Variants in CPED1 observed in about 807,000 individuals in gnomAD.
The protein encoded by CPED1 is cadherin-like and PC-esterase domain-containing protein 1.
Under a neutral mutation model 128.2 loss-of-function variants are expected in CPED1, and 114 were observed. The observed-to-expected ratio is 0.89, with a 90% confidence interval of 0.76 to 1.04. CPED1 has a LOEUF of 1.04. Ranked by LOEUF, CPED1 falls within the 50% of genes least tolerant of loss-of-function variation. The probability of loss-of-function intolerance (pLI) is 0.00; values close to 1 mark genes in which losing one functional copy is unlikely to be tolerated. For missense variants in CPED1, 1,211 were observed against 1,207.1 expected, an observed-to-expected ratio of 1.00 and a Z score of -0.05; for synonymous variants, 462 against 426.7, an observed-to-expected ratio of 1.08 and a Z score of -1.02.
chr7:121,103,416 A>G (rs973431292), intron 7 of CPED1, among the ~76,000 whole-genome samples: 5 of 152,188 alleles, frequency 3.3e-5, no homozygotes, highest in African/African-American at 1.2e-4. Flanking sequence ...AGTTTCAGAA[A>G]ACAAGAGGAT....
At chr7:121,248,543 C>T (rs1338615087) in intron 18 of CPED1, among the ~76,000 whole-genome samples, 1 of 143,610 alleles carries the variant, frequency 7.0e-6, no homozygotes, top group African/African-American at 2.6e-5. Flanking sequence ...GGATCATAGC[C>T]CAAACTGCCA....
At position 121,292,558 on chromosome 7, in the gene CPED1, G is replaced by A. The variant is rs554840588; in HGVS notation, c.2869-2882G>A. On this transcript the variant is annotated intron_variant, in intron 22 of 22. Transcript: ENST00000310396. ...ATTCTCCATCCAGTTTTGTTCCCTTGCTGGCGAGGAGTTGCGATCGTTTGG... is the reference window on the plus strand; with the variant it reads ...ATTCTCCATCCAGTTTTGTTCCCTTACTGGCGAGGAGTTGCGATCGTTTGG... Among the ~76,000 whole-genome samples the A allele has an allele frequency of 4.6e-5, 7 of 152,064 alleles. No homozygotes were observed. In the South Asian group the frequency reaches 1.5e-3, roughly 32 times the overall value.
chr7:121,223,849 T>G (rs532734835), intron 16 of CPED1, among the ~76,000 whole-genome samples: 1 of 152,118 alleles, frequency 6.6e-6, no homozygotes, highest in Non-Finnish European at 1.5e-5. Context: ...TCTTCTCTCT[T>G]TTCTTTTTTA....
At chr7:121,054,161 G>A (rs1192436843) in intron 4 of CPED1, among the ~76,000 whole-genome samples, 2 of 152,188 alleles carry the variant, frequency 1.3e-5, no homozygotes, top group Admixed American at 1.3e-4. Flanking sequence ...TCTCAGCAGA[G>A]AGGGCTTGGA....
chr7:121,006,934 C>T (rs1269975238), intron 2 of CPED1, among the ~76,000 whole-genome samples: 1 of 151,988 alleles, frequency 6.6e-6, no homozygotes, highest in Non-Finnish European at 1.5e-5. Context: ...AGTATAGGTT[C>T]CTTCACATTG....
intron 22 of CPED1, among the ~76,000 whole-genome samples, chr7:121,291,352 T>C (rs1045576676): frequency 6.6e-6 from 1 of 152,260 alleles, no homozygotes; most frequent in Non-Finnish European, 1.5e-5. Context: ...CAATGGTTCC[T>C]TGATGGGAAT....
chr7:121,193,072 G>A lies in CPED1; in HGVS notation c.2056-43642G>A, dbSNP rs534868273. Among the ~76,000 whole-genome samples, 90 of 152,248 alleles carry A rather than the reference G, an allele frequency of 5.9e-4. No individual in the cohort carries two copies. In the South Asian group the frequency reaches 0.018, roughly 31 times the overall value. ...CTTAAGATGGATTAACTTTTACTCT[G>A]TTCTTCTGATCTGTTTCATTTATCA... On this transcript the variant is annotated intron_variant, in intron 16 of 22. Transcript: ENST00000310396.
At chr7:121,291,473 C>G (rs774280668) in intron 22 of CPED1, among the ~76,000 whole-genome samples, 2 of 152,144 alleles carry the variant, frequency 1.3e-5, no homozygotes, top group African/African-American at 2.4e-5. Flanking sequence ...TCTCTTATTT[C>G]CTTGGGCAGT....
chr7:121,268,102 G>A (rs977318096), intron 21 of CPED1, among the ~76,000 whole-genome samples: 1 of 152,080 alleles, frequency 6.6e-6, no homozygotes, highest in African/African-American at 2.4e-5. Flanking sequence ...AATTCAAAAT[G>A]AGTTGAGGCA....
rs140167305 is a variant in CPED1 at position 121,070,751 on chromosome 7, C to T, written c.616+6438C>T. Among the ~76,000 whole-genome samples, 157 of 152,270 alleles carry T rather than the reference C, an allele frequency of 1.0e-3. 1 individual carries two copies. Among genetic ancestry groups the T allele is most frequent in the Middle Eastern group, 3.4e-3 (1 of 294 alleles). On this transcript the variant is annotated intron_variant, in intron 5 of 22. Transcript: ENST00000310396. ...CTACCATGACCAGCCTAGTCCAAAT[C>T]AGCAGTCTCTCATATTCTTCTCACT...
chr7:121,249,319 T>C (rs1798613682), intron 18 of CPED1, among the ~76,000 whole-genome samples: 1 of 152,082 alleles, frequency 6.6e-6, no homozygotes, highest in Non-Finnish European at 1.5e-5. Flanking sequence ...TCAAAAAACA[T>C]GGAGAACTCC....
intron 18 of CPED1, among the ~76,000 whole-genome samples, chr7:121,255,914 TA>T (rs1791844611): frequency 6.6e-6 from 1 of 151,518 alleles, no homozygotes; most frequent in South Asian, 2.1e-4. Flanking sequence ...AGAGATGACA[TA>T]AATAAATGGA....
chr7:121,143,976 C>A (rs887694274), intron 16 of CPED1, among the ~76,000 whole-genome samples: 2 of 151,832 alleles, frequency 1.3e-5, no homozygotes, highest in East Asian at 3.9e-4. Context: ...AGTATGGATA[C>A]ACACAAATAT....
At chr7:121,134,763 T>A (rs939585102) in intron 13 of CPED1, among the ~76,000 whole-genome samples, 1 of 152,018 alleles carries the variant, frequency 6.6e-6, no homozygotes, top group Non-Finnish European at 1.5e-5. Flanking sequence ...AGAGAGTGTA[T>A]GGAAATCAGT....
chr7:121,192,551 C>A (rs1465962276), intron 16 of CPED1, among the ~76,000 whole-genome samples: 2 of 152,028 alleles, frequency 1.3e-5, no homozygotes, highest in Non-Finnish European at 2.9e-5. Flanking sequence ...CCAGAGCTAA[C>A]CTTAAGTTAT....
chr7:121,055,085 C>A (rs1793459844), intron 4 of CPED1, among the ~76,000 whole-genome samples: 1 of 152,110 alleles, frequency 6.6e-6, no homozygotes, highest in Non-Finnish European at 1.5e-5. Flanking sequence ...GTACCACAGG[C>A]TGTTTATTCA....
chr7:121,087,496 CA>C (rs1484929072), intron 5 of CPED1, among the ~76,000 whole-genome samples: 1 of 152,128 alleles, frequency 6.6e-6, no homozygotes, highest in African/African-American at 2.4e-5. Context: ...TGTATTTTGA[CA>C]TTTTTTTTAC....
At chr7:121,155,756 A>G (rs1452354260) in intron 16 of CPED1, among the ~76,000 whole-genome samples, 1 of 152,238 alleles carries the variant, frequency 6.6e-6, no homozygotes, top group Non-Finnish European at 1.5e-5. Flanking sequence ...AAACTAGCAG[A>G]AGAAAACATT....
intron 18 of CPED1, among the ~76,000 whole-genome samples, chr7:121,250,560 T>C (rs1798646576): frequency 6.6e-6 from 1 of 152,038 alleles, no homozygotes; most frequent in African/African-American, 2.4e-5. Flanking sequence ...ATCAACAAAA[T>C]TGATAGACCG....
Sources: gnomAD v4.1 joint callset for allele counts (sites outside exome capture counted in the v4.1 genomes callset) on GRCh38, gnomAD v4.1.1 for gene constraint, MANE v1.5 for transcripts, NCBI Gene and HGNC (gene_info 2026-07-23, HGNC 2026-07-21) for gene names.